The following FOCAD variants were observed in gnomAD, a reference collection of about 807,000 sequenced individuals.
FOCAD encodes the protein focadhesin.
In FOCAD, 198 loss-of-function variants were observed where a neutral mutation model predicts 225.6. The observed-to-expected ratio is 0.88, with a 90% CI of 0.78 to 0.99. The LOEUF (loss-of-function observed/expected upper bound fraction) is 0.99, where lower values mean the gene tolerates loss of function less well. Ranked by LOEUF, FOCAD falls within the 50% of genes least tolerant of loss-of-function variation. The probability of loss-of-function intolerance (pLI) is 0.00; values close to 1 mark genes in which losing one functional copy is unlikely to be tolerated. For missense variants in FOCAD, 2,713 were observed against 2,123.6 expected, an observed-to-expected ratio of 1.28 and a Z score of -5.46; for synonymous variants, 897 against 755.0, an observed-to-expected ratio of 1.19 and a Z score of -3.08.
chr9:20,777,896 A>T (rs1818930263), intron 8 of FOCAD, among the ~76,000 whole-genome samples: 1 of 151,896 alleles, frequency 6.6e-6, no homozygotes, highest in South Asian at 2.1e-4. Context: ...AGGTCAGGAG[A>T]TCGAGACCAC....
rs558961881 is a variant in FOCAD at position 20,946,722 on chromosome 9, T to C, written c.3577T>C (p.Cys1193Arg). The C allele has an allele frequency of 1.2e-6, 2 of 1,613,518 alleles. No homozygotes were observed. The highest frequency in any genetic ancestry group is 2.2e-5 in the South Asian group (2 of 91,044). Residue 1193 changes from cysteine to arginine, a missense_variant, in exon 30 of 44, where the codon TGT becomes CGT. Coordinates refer to ENST00000338382, the MANE Select transcript of FOCAD (RefSeq NM_001375567.1). ...FQEVLAYTLS[C>R]VCTSAFSAGI... ...TCAGGTCCTTGCCTACACACTTAGC[T>C]GTGTATGTACATCAGCGTTCAGTGC...
chr9:20,692,899 T>C (rs1174625499), intron 1 of FOCAD, among the ~76,000 whole-genome samples: 1 of 152,142 alleles, frequency 6.6e-6, no homozygotes, highest in African/African-American at 2.4e-5. Flanking sequence ...TGTAAAGCAG[T>C]TTGTATACAG....
intron 2 of FOCAD, chr9:20,716,195 AT>A (rs769193996): frequency 6.5e-6 from 3 of 458,066 alleles, no homozygotes; most frequent in Admixed American, 5.9e-5. Context: ...TTGGAGTCAT[AT>A]CCTGCAGGTC....
At chr9:20,701,348 C>T (rs1034615702) in intron 1 of FOCAD, among the ~76,000 whole-genome samples, 10 of 152,190 alleles carry the variant, frequency 6.6e-5, no homozygotes, top group Non-Finnish European at 1.0e-4. Flanking sequence ...TTCCCTGTCT[C>T]ATTGAGCTGT....
chr9:20,696,680 C>G (rs996038711), intron 1 of FOCAD, among the ~76,000 whole-genome samples: 23 of 152,200 alleles, frequency 1.5e-4, no homozygotes, highest in African/African-American at 4.8e-4. Flanking sequence ...TGGCGCAAGC[C>G]TGTACTTCCA....
At position 20,952,952 on chromosome 9, in the gene FOCAD, A is replaced by G. The variant is rs747076086; in HGVS notation, c.4052-33A>G. 2.6e-6 allele frequency: 4 copies of G among 1,559,228 alleles called. No individual in the cohort carries two copies. In the South Asian group the frequency reaches 3.3e-5, roughly 13 times the overall value. On this transcript the variant is annotated intron_variant, in intron 34 of 43. Coordinates refer to ENST00000338382, the MANE Select transcript of FOCAD (RefSeq NM_001375567.1). The stretch of plus-strand genomic sequence containing the variant: ...TTCCTTCATTAGTCCTGCCAAGTTC[A>G]CTGGTTAATTTGATCATTTTCTGTC...
chr9:20,763,049 G>T (rs1221185215), intron 6 of FOCAD, among the ~76,000 whole-genome samples: 1 of 152,114 alleles, frequency 6.6e-6, no homozygotes. Context: ...TGCTTCTTGA[G>T]GATAGATAAT....
At chr9:20,782,557 G>A (rs186046011) in intron 10 of FOCAD, among the ~76,000 whole-genome samples, 166 of 152,242 alleles carry the variant, frequency 1.1e-3, no homozygotes, top group Non-Finnish European at 1.8e-4. Context: ...GTCATGGTTT[G>A]GATATTGGTT....
chr9:20,837,664 G>C (rs1313438111), intron 15 of FOCAD, among the ~76,000 whole-genome samples: 1 of 152,052 alleles, frequency 6.6e-6, no homozygotes, highest in Non-Finnish European at 1.5e-5. Context: ...TTTGAAATCT[G>C]ATTGGAAGCA....
At position 20,770,917 on chromosome 9, in the gene FOCAD, T is replaced by C. The variant is rs565221051; in HGVS notation, c.906+679T>C. Among the ~76,000 whole-genome samples the C allele has an allele frequency of 1.6e-3, 240 of 152,326 alleles. 4 individuals carry two copies. The highest frequency in any genetic ancestry group is 5.5e-3 in the African/African-American group (227 of 41,578). On this transcript the variant is annotated intron_variant, in intron 8 of 43. Transcript: ENST00000338382. The stretch of plus-strand genomic sequence containing the variant: ...GAACATATAGTAATATGCCAGGCTT[T>C]ATAGAATACATAGATGAAAAGGTAA...
chr9:20,979,367 C>T (rs1007896787), intron 37 of FOCAD, among the ~76,000 whole-genome samples: 1 of 152,168 alleles, frequency 6.6e-6, no homozygotes, highest in African/African-American at 2.4e-5. Flanking sequence ...GAGACAGTTT[C>T]TCGCTCCATA....
chr9:20,989,975 TCCTCTTC>T (rs1841502971), intron 41 of FOCAD, 141 bp from the exon 42 acceptor site: 1 of 809,270 alleles, frequency 1.2e-6, no homozygotes, highest in African/African-American at 1.7e-5. Flanking sequence ...TCAGTTCAGT[TCCTCTTC>T]TGGGTGGGGG....
Position 20,988,354 on chromosome 9 carries a change from G to A in FOCAD, c.4929G>A (p.Trp1643Ter). 1 of 1,610,532 alleles carries A rather than the reference G, an allele frequency of 6.2e-7. No homozygotes were observed. The highest frequency in any genetic ancestry group is 8.5e-7 in the Non-Finnish European group (1 of 1,177,900). ...CAGGCGTTTTGAAGAGAATGGAGTGGCTCTTGGAACTGATGGGTTATATTA... is the reference window on the plus strand; with the variant it reads ...CAGGCGTTTTGAAGAGAATGGAGTGACTCTTGGAACTGATGGGTTATATTA... ...ANTGVLKRME[W>*]LLELMGYIRN... The change falls in exon 41 of 44, where the codon TGG (tryptophan) becomes TGA (stop). Residue 1643 changes from tryptophan to a stop codon, truncating the protein, a stop_gained. Coordinates refer to ENST00000338382, the MANE Select transcript of FOCAD (RefSeq NM_001375567.1). LOFTEE classifies it high-confidence loss of function.
intron 1 of FOCAD, among the ~76,000 whole-genome samples, chr9:20,688,921 T>A (rs1189944832): frequency 6.6e-6 from 1 of 152,208 alleles, no homozygotes. Flanking sequence ...AGATGATAAA[T>A]AGTTGGATTG....
intron 28 of FOCAD, among the ~76,000 whole-genome samples, chr9:20,938,291 T>A (rs530751855): frequency 6.6e-6 from 1 of 152,132 alleles, no homozygotes; most frequent in Non-Finnish European, 1.5e-5. Context: ...GTATGTTTAT[T>A]GCGGCACTAT....
At position 20,747,078 on chromosome 9, in the gene FOCAD, GGGGAATA is replaced by G. The variant is rs375395206; in HGVS notation, c.392+6739_392+6745del. On this transcript the variant is annotated intron_variant, in intron 5 of 43. Transcript: ENST00000338382. ...TTTTTTGAACTAATAAGCAATCTGT[GGGGAATA>G]CATTTTGAGACCATGCAAATATTCT... 4.4e-3 allele frequency among the ~76,000 whole-genome samples: 673 copies of G among 152,164 alleles called. 1 individual carries two copies. Among genetic ancestry groups the G allele is most frequent in the Non-Finnish European group, 5.9e-3 (404 of 67,998 alleles).
At chr9:20,714,630 G>GCCTGCCTGCCTGCCTGCCTGCCTT (rs1825160517) in intron 1 of FOCAD, among the ~76,000 whole-genome samples, 1 of 120,794 alleles carries the variant, frequency 8.3e-6, no homozygotes, top group Non-Finnish European at 1.7e-5. Flanking sequence ...CTGCCTGCCT[G>GCCTGCCTGCCTGCCTGCCTGCCTT]CCTGCCTTCC....
chr9:20,922,998 A>G (rs945970624), intron 24 of FOCAD, among the ~76,000 whole-genome samples: 10 of 152,240 alleles, frequency 6.6e-5, no homozygotes, highest in African/African-American at 2.4e-4. Flanking sequence ...GAAGGCTACC[A>G]TTTAGATGAT....
At chr9:20,913,692 A>G (rs1379305212) in intron 23 of FOCAD, among the ~76,000 whole-genome samples, 1 of 152,160 alleles carries the variant, frequency 6.6e-6, no homozygotes, top group Non-Finnish European at 1.5e-5. Flanking sequence ...TATTTGATTA[A>G]TTGTATTCTA....
Sources: allele counts gnomAD v4.1 joint callset (sites outside exome capture counted in the v4.1 genomes callset), GRCh38; gene constraint gnomAD v4.1.1; transcripts MANE v1.5; gene names NCBI Gene and HGNC (gene_info 2026-07-23, HGNC 2026-07-21).